Variants in GPC5 observed in about 807,000 individuals in gnomAD.
The protein encoded by GPC5 is glypican-5.
In GPC5, 47 loss-of-function variants were observed where a neutral mutation model predicts 53.9. That is an observed-to-expected ratio of 0.87 (90% CI 0.69 to 1.11). GPC5 has a LOEUF of 1.11. Among genes scored for constraint, GPC5 ranks in the 50% most tolerant of loss-of-function variants. The probability of loss-of-function intolerance (pLI) is 0.00; values close to 1 mark genes in which losing one functional copy is unlikely to be tolerated. For missense variants in GPC5, 748 were observed against 713.1 expected (o/e 1.05, Z -0.56); for synonymous variants, 286 against 263.3 (o/e 1.09, Z -0.84).
intron 6 of GPC5, among the ~76,000 whole-genome samples, chr13:92,133,529 A>T (rs1323161988): frequency 6.6e-6 from 1 of 152,196 alleles, no homozygotes; most frequent in Non-Finnish European, 1.5e-5. Context: ...TCATTCAAGG[A>T]GGCAATGGAA....
chr13:91,604,457 G>A (rs2033289898), intron 2 of GPC5, among the ~76,000 whole-genome samples: 1 of 151,190 alleles, frequency 6.6e-6, no homozygotes, highest in South Asian at 2.1e-4. Context: ...TAGTCCTTTG[G>A]GTATATACCC....
chr13:91,670,289 T>C (rs751623023), intron 2 of GPC5, among the ~76,000 whole-genome samples: 17 of 152,214 alleles, frequency 1.1e-4, no homozygotes, highest in Non-Finnish European at 2.5e-4. Context: ...AATCTATTGG[T>C]GTTCTATTTG....
intron 2 of GPC5, among the ~76,000 whole-genome samples, chr13:91,517,392 G>C (rs1885561481): frequency 6.6e-6 from 1 of 152,164 alleles, no homozygotes; most frequent in African/African-American, 2.4e-5. Flanking sequence ...AATGCTGCCA[G>C]TCTCTTTGCT....
chr13:92,333,198 A>G (rs1232108287), intron 7 of GPC5, among the ~76,000 whole-genome samples: 3 of 152,150 alleles, frequency 2.0e-5, no homozygotes, highest in African/African-American at 7.2e-5. Flanking sequence ...CTTTTGTGAG[A>G]TTTACCTCCA....
At position 91,819,144 on chromosome 13, in the gene GPC5, AT is replaced by A. The variant is rs565612996; in HGVS notation, c.1280+62725del. On this transcript the variant is annotated intron_variant, in intron 5 of 7. Transcript: ENST00000377067. ...GAATTATTTCTTTTTATTAAAAAAA[AT>A]ATGCGCTTTTTTTTTTTTTTTTTTT... 9.1e-4 allele frequency among the ~76,000 whole-genome samples: 133 copies of A among 146,658 alleles called. 1 individual carries two copies. Among genetic ancestry groups the A allele is most frequent in the African/African-American group, 2.9e-3 (117 of 39,910 alleles).
At chr13:91,787,166 A>C (rs1017225958) in intron 5 of GPC5, among the ~76,000 whole-genome samples, 1 of 152,174 alleles carries the variant, frequency 6.6e-6, no homozygotes, top group African/African-American at 2.4e-5. Context: ...TGCATTTGCT[A>C]TCTACTCTGA....
intron 7 of GPC5, among the ~76,000 whole-genome samples, chr13:92,581,572 T>C (rs1883370516): frequency 6.6e-6 from 1 of 152,186 alleles, no homozygotes; most frequent in Non-Finnish European, 1.5e-5. Flanking sequence ...TCATATCCTT[T>C]AGAAATATAT....
intron 6 of GPC5, among the ~76,000 whole-genome samples, chr13:92,040,965 C>T (rs753237720): frequency 2.0e-5 from 3 of 152,190 alleles, no homozygotes; most frequent in Admixed American, 6.5e-5. Flanking sequence ...ATTCTCCTGC[C>T]TCAGCCTCCC....
chr13:92,474,654 C>T (rs1483422699), intron 7 of GPC5, among the ~76,000 whole-genome samples: 1 of 151,420 alleles, frequency 6.6e-6, no homozygotes, highest in African/African-American at 2.4e-5. Flanking sequence ...AAAACCTCTC[C>T]AGTGGAAATT....
intron 2 of GPC5, among the ~76,000 whole-genome samples, chr13:91,469,445 G>A (rs376696440): frequency 6.0e-5 from 9 of 150,976 alleles, no homozygotes; most frequent in African/African-American, 2.2e-4. Context: ...TTTTTTTTGG[G>A]TAAAGACAGA....
intron 7 of GPC5, among the ~76,000 whole-genome samples, chr13:92,324,047 C>G (rs796808040): frequency 9.2e-5 from 14 of 152,002 alleles, no homozygotes; most frequent in African/African-American, 3.1e-4. Context: ...TCAAGACATT[C>G]AGTCATGTCA....
At chr13:92,258,854 G>A (rs778385931) in intron 7 of GPC5, among the ~76,000 whole-genome samples, 3 of 152,154 alleles carry the variant, frequency 2.0e-5, no homozygotes, top group Non-Finnish European at 2.9e-5. Context: ...TAGGCAGGAG[G>A]ACTGCTGAAA....
chr13:91,448,025 G>A (rs1294446592), intron 1 of GPC5, among the ~76,000 whole-genome samples: 3 of 152,132 alleles, frequency 2.0e-5, no homozygotes, highest in South Asian at 4.1e-4. Context: ...CAGGATGAAA[G>A]TTTAGTGATA....
At chr13:91,566,220 CTA>C (rs1396786949) in intron 2 of GPC5, among the ~76,000 whole-genome samples, 1 of 152,018 alleles carries the variant, frequency 6.6e-6, no homozygotes, top group Non-Finnish European at 1.5e-5. Context: ...TCTTAGGAAA[CTA>C]TGTCTAAAAT....
At chr13:92,656,985 G>GT (rs1293639971) in intron 7 of GPC5, among the ~76,000 whole-genome samples, 2 of 151,988 alleles carry the variant, frequency 1.3e-5, no homozygotes, top group Admixed American at 6.6e-5. Context: ...AAAGGCAAAA[G>GT]TTTTTTTGAT....
chr13:92,440,588 C>G (rs776114087), intron 7 of GPC5, among the ~76,000 whole-genome samples: 6 of 152,058 alleles, frequency 3.9e-5, no homozygotes, highest in Non-Finnish European at 7.4e-5. Context: ...TTTGGTAGAA[C>G]AATTTATTTT....
chr13:92,074,128 G>T (rs1433555541), intron 6 of GPC5, among the ~76,000 whole-genome samples: 3 of 152,170 alleles, frequency 2.0e-5, no homozygotes, highest in Non-Finnish European at 4.4e-5. Context: ...TGAATACATT[G>T]AGGACACAAG....
At chr13:91,926,594 C>G (rs2039771036) in intron 6 of GPC5, among the ~76,000 whole-genome samples, 1 of 152,112 alleles carries the variant, frequency 6.6e-6, no homozygotes, top group Non-Finnish European at 1.5e-5. Context: ...GGAGTGCAAC[C>G]TGCCTGTGCA....
At chr13:91,562,711 G>A (rs2031341106) in intron 2 of GPC5, among the ~76,000 whole-genome samples, 3 of 148,020 alleles carry the variant, frequency 2.0e-5, no homozygotes, top group South Asian at 2.2e-4. Flanking sequence ...GAGCCACCAC[G>A]CCTGGCCAAG....
Sources: allele counts gnomAD v4.1 joint callset (sites outside exome capture counted in the v4.1 genomes callset), GRCh38; gene constraint gnomAD v4.1.1; transcripts MANE v1.5; gene names NCBI Gene and HGNC (gene_info 2026-07-23, HGNC 2026-07-21).